The following LIFR variants were observed in gnomAD, a reference collection of about 807,000 sequenced individuals.
The protein encoded by LIFR is leukemia inhibitory factor receptor.
Under a neutral mutation model 122.2 loss-of-function variants are expected in LIFR, and 84 were observed. That is an observed-to-expected ratio of 0.69 (90% CI 0.58 to 0.82). The LOEUF is 0.82. Among genes scored for constraint, LIFR ranks in the 40% least tolerant of loss-of-function variants. The probability of loss-of-function intolerance (pLI) is 0.00; values close to 1 mark genes in which losing one functional copy is unlikely to be tolerated. For synonymous variants in LIFR, 422 were observed against 434.7 expected (o/e 0.97, Z 0.36); for missense variants, 1,294 against 1,311.6 (o/e 0.99, Z 0.21).
At chr5:38,572,783 C>G (rs1233021041) in intron 1 of LIFR, among the ~76,000 whole-genome samples, 1 of 152,198 alleles carries the variant, frequency 6.6e-6, no homozygotes, top group Non-Finnish European at 1.5e-5. Context: ...TTTGTGCAGC[C>G]TTTTACTTAG....
intron 15 of LIFR, among the ~76,000 whole-genome samples, chr5:38,489,802 T>C (rs901470544): frequency 1.4e-5 from 2 of 143,538 alleles, no homozygotes; most frequent in African/African-American, 2.6e-5. Flanking sequence ...GAGACCAGCC[T>C]GGGCAACATA....
intron 1 of LIFR, among the ~76,000 whole-genome samples, chr5:38,573,677 C>A (rs945265393): frequency 1.3e-5 from 2 of 152,132 alleles, no homozygotes; most frequent in Admixed American, 6.6e-5. Flanking sequence ...CTTGGTAGTC[C>A]CTCATCGCAT....
intron 5 of LIFR, among the ~76,000 whole-genome samples, chr5:38,513,573 G>A (rs1044892443): frequency 8.5e-5 from 13 of 152,184 alleles, no homozygotes; most frequent in Non-Finnish European, 1.3e-4. Context: ...CCAAAAACAG[G>A]GGGATTGCTA....
chr5:38,595,510 A>C (rs1389866468), upstream of LIFR: 2 of 152,402 alleles, frequency 1.3e-5, no homozygotes, highest in Non-Finnish European at 2.9e-5. Context: ...GGAATGCATC[A>C]GCAGTGCAAA....
rs566182850 is a variant in LIFR, at chr5:38,481,599, T to A, written c.3290A>T (p.Asp1097Val). 1.2e-6 allele frequency: 2 copies of A among 1,614,144 alleles called. No individual in the cohort carries two copies. The highest frequency in any genetic ancestry group is 2.7e-5 in the African/African-American group (2 of 75,048). ...FTNFFQNKPN[D>V] ...TGAAGTGACACGGTGACACTGTTAATCGTTTGGTTTGTTCTGAAAAAAGTT... is the reference window on the plus strand; with the variant it reads ...TGAAGTGACACGGTGACACTGTTAAACGTTTGGTTTGTTCTGAAAAAAGTT... Residue 1097 changes from aspartate to valine, a missense_variant, in exon 20 of 20, where the codon GAT becomes GTT. Asp to Val is a radical substitution (Grantham distance 152). Coordinates refer to ENST00000453190, the MANE Select transcript of LIFR (RefSeq NM_001127671.2).
chr5:38,577,161 C>T (rs1749414715), intron 1 of LIFR, among the ~76,000 whole-genome samples: 1 of 152,232 alleles, frequency 6.6e-6, no homozygotes, highest in African/African-American at 2.4e-5. Flanking sequence ...TCAGCCAACT[C>T]ATTCTCCTCC....
At chr5:38,504,675 A>C (rs1252939479) in intron 9 of LIFR, among the ~76,000 whole-genome samples, 2 of 152,198 alleles carry the variant, frequency 1.3e-5, no homozygotes, top group African/African-American at 4.8e-5. Context: ...TACACTGGTG[A>C]TAGTGTGTAT....
rs575913827 is a variant in LIFR at position 38,604,791 on chromosome 5, G to T, written n.305+1414C>A. 5.3e-5 allele frequency among the ~76,000 whole-genome samples: 8 copies of T among 152,266 alleles called. No individual in the cohort carries two copies. In the South Asian group the frequency reaches 1.7e-3, roughly 32 times the overall value. On this transcript the variant is annotated intron_variant and non_coding_transcript_variant, in intron 2 of 3. Coordinates refer to the LIFR transcript ENST00000507786. ...CCCAGGAGGTGCTGACAACATGTGC[G>T]TAAGGTGGTCGGTGTACAGCTTGCT...
chr5:38,506,813 T>C (rs1745512748), intron 7 of LIFR, among the ~76,000 whole-genome samples, 181 bp from the exon 8 acceptor site: 1 of 152,246 alleles, frequency 6.6e-6, no homozygotes, highest in Non-Finnish European at 1.5e-5. Context: ...GAGTTCATAT[T>C]ACATTAGAAT....
At chr5:38,562,993 C>A (rs150428457) in intron 1 of LIFR, among the ~76,000 whole-genome samples, 2,349 of 152,216 alleles carry the variant, frequency 0.015, 39 homozygotes, top group Middle Eastern at 0.034. Context: ...TGGAACACTG[C>A]CTGGGTCTCA....
chr5:38,583,889 C>T (rs377606616), intron 1 of LIFR, among the ~76,000 whole-genome samples: 3 of 152,188 alleles, frequency 2.0e-5, no homozygotes, highest in African/African-American at 4.8e-5. Context: ...CATCTGATGG[C>T]TTTATAAGGG....
intron 1 of LIFR, among the ~76,000 whole-genome samples, chr5:38,585,697 AT>A (rs1236812737): frequency 6.6e-6 from 1 of 152,162 alleles, no homozygotes; most frequent in African/African-American, 2.4e-5. Flanking sequence ...CATATGAACC[AT>A]TGTAAATGGT....
chr5:38,535,610 C>T lies in LIFR; in HGVS notation c.-19-4944G>A, dbSNP rs145968546. Among the ~76,000 whole-genome samples the T allele has an allele frequency of 1.1e-3, 171 of 152,300 alleles. 2 individuals are homozygous for T. Among genetic ancestry groups the T allele is most frequent in the African/African-American group, 4.0e-3 (166 of 41,560 alleles). On this transcript the variant is annotated intron_variant, in intron 1 of 19. Coordinates refer to ENST00000453190, the MANE Select transcript of LIFR (RefSeq NM_001127671.2). ...CTTTACAGAAAGAGTTTGCTGACTT[C>T]TGCTCTACTGCTTCACTTCCTAATC... is the stretch of plus-strand genomic sequence containing the variant.
chr5:38,556,022 G>A (rs977492607), intron 1 of LIFR, among the ~76,000 whole-genome samples: 4 of 152,192 alleles, frequency 2.6e-5, no homozygotes, highest in African/African-American at 9.6e-5. Flanking sequence ...CACCTGGCAG[G>A]TCACCTCTCC....
intron 17 of LIFR, among the ~76,000 whole-genome samples, chr5:38,485,285 A>C: frequency 6.6e-6 from 1 of 152,190 alleles, no homozygotes; most frequent in East Asian, 1.9e-4. Flanking sequence ...GTTGAGAATC[A>C]CTGCTTTATA....
At position 38,506,034 on chromosome 5, in the gene LIFR, G is replaced by A. The variant is rs1337669586; in HGVS notation, c.1162C>T (p.Pro388Ser). The A allele has an allele frequency of 1.2e-6, 2 of 1,604,388 alleles. No homozygotes were observed. The highest frequency in any genetic ancestry group is 8.5e-7 in the Non-Finnish European group (1 of 1,173,968). The change falls in exon 9 of 20, where the codon CCT becomes TCT. Residue 388 changes from proline to serine, a missense_variant. By Grantham distance (74) the Pro-to-Ser change is moderately conservative. Coordinates refer to ENST00000453190, the MANE Select transcript of LIFR (RefSeq NM_001127671.2). Reference protein sequence around the residue: ...KYVRLKRAEAPTNESYQLLFQ... With the variant: ...KYVRLKRAEASTNESYQLLFQ... ...AATAATTGATAGCTTTCGTTTGTAG[G>A]TGCTTCAGCTCTTTTAAGTCTAACA... is the stretch of plus-strand genomic sequence containing the variant.
intron 5 of LIFR, among the ~76,000 whole-genome samples, chr5:38,519,516 TAC>T (rs1036634114): frequency 2.0e-5 from 3 of 152,204 alleles, no homozygotes; most frequent in Admixed American, 2.0e-4. Flanking sequence ...GGATGCTAAC[TAC>T]AGTCACCCTA....
chr5:38,497,442 CAA>C (rs1409864192), intron 12 of LIFR, among the ~76,000 whole-genome samples: 1 of 152,328 alleles, frequency 6.6e-6, no homozygotes. Flanking sequence ...GAATAAAAAA[CAA>C]TATTTATCTC....
At chr5:38,528,983 T>A in intron 2 of LIFR, 143 bp from the exon 3 acceptor site, 1 of 596,816 alleles carries the variant, frequency 1.7e-6, no homozygotes, top group East Asian at 2.9e-5. Flanking sequence ...GAGCCCATGT[T>A]TTTTTTTTTT....
Sources: allele counts gnomAD v4.1 joint callset (sites outside exome capture counted in the v4.1 genomes callset), GRCh38; gene constraint gnomAD v4.1.1; transcripts MANE v1.5; gene names NCBI Gene and HGNC (gene_info 2026-07-23, HGNC 2026-07-21).